Variants in KCNN3 observed in about 807,000 individuals in gnomAD.
KCNN3 encodes potassium calcium-activated channel subfamily N member 3, also known as small conductance calcium-activated potassium channel protein 3.
In KCNN3, 16 loss-of-function variants were observed where a neutral mutation model predicts 62.9. The observed-to-expected ratio is 0.25, with a 90% CI of 0.17 to 0.39. KCNN3 has a LOEUF of 0.39. KCNN3 is among the 10% of genes least tolerant of loss of function. KCNN3 has a pLI of 1.00. For missense variants in KCNN3, 599 were observed against 949.4 expected (o/e 0.63, Z 4.85); for synonymous variants, 370 against 389.2 (o/e 0.95, Z 0.58).
intron 1 of KCNN3, among the ~76,000 whole-genome samples, chr1:154,858,005 C>T (rs1047709466): frequency 6.6e-6 from 1 of 152,176 alleles, no homozygotes; most frequent in Admixed American, 6.5e-5. Context: ...CACCAGGAAA[C>T]CCTCATGACT....
chr1:154,721,278 T>G (rs1261312028), intron 5 of KCNN3, among the ~76,000 whole-genome samples: 1 of 149,432 alleles, frequency 6.7e-6, no homozygotes, highest in Non-Finnish European at 1.5e-5. Flanking sequence ...CAGCCCACTC[T>G]GCCTTTTTTT....
At chr1:154,770,486 G>T (rs558496381) in intron 3 of KCNN3, among the ~76,000 whole-genome samples, 1 of 152,220 alleles carries the variant, frequency 6.6e-6, no homozygotes, top group Non-Finnish European at 1.5e-5. Flanking sequence ...CTGGTGCATG[G>T]AAGATTTGGC....
At chr1:154,758,335 C>T (rs529275179) in intron 3 of KCNN3, among the ~76,000 whole-genome samples, 11 of 152,274 alleles carry the variant, frequency 7.2e-5, no homozygotes, top group African/African-American at 2.6e-4. Context: ...TGTGCTGGTG[C>T]GATTGCCACT....
At chr1:154,827,666 G>A (rs911423877) in intron 1 of KCNN3, among the ~76,000 whole-genome samples, 3 of 152,048 alleles carry the variant, frequency 2.0e-5, no homozygotes, top group African/African-American at 4.8e-5. Flanking sequence ...GGGCATGGTG[G>A]TGCAAGCCTG....
chr1:154,844,953 C>T (rs1242104440), intron 1 of KCNN3, among the ~76,000 whole-genome samples: 2 of 151,982 alleles, frequency 1.3e-5, no homozygotes, highest in Non-Finnish European at 2.9e-5. Context: ...TTGCAGTGAA[C>T]TGAAATTGTG....
At chr1:154,717,621 C>T (rs772324119) in intron 5 of KCNN3, among the ~76,000 whole-genome samples, 3 of 151,782 alleles carry the variant, frequency 2.0e-5, no homozygotes, top group Non-Finnish European at 4.4e-5. Flanking sequence ...AGGTCCTGCA[C>T]TTAACGTCAG....
At chr1:154,781,804 A>C (rs966494747) in intron 2 of KCNN3, among the ~76,000 whole-genome samples, 1 of 152,210 alleles carries the variant, frequency 6.6e-6, no homozygotes, top group Non-Finnish European at 1.5e-5. Flanking sequence ...GGGATATAGC[A>C]AGACAAGTAG....
intron 3 of KCNN3, among the ~76,000 whole-genome samples, chr1:154,745,878 G>A (rs1700926260): frequency 6.6e-6 from 1 of 152,182 alleles, no homozygotes; most frequent in Admixed American, 6.5e-5. Flanking sequence ...CCCATGGGAA[G>A]CATGTCTTCC....
intron 1 of KCNN3, among the ~76,000 whole-genome samples, chr1:154,848,111 C>G (rs1173820146): frequency 6.6e-6 from 1 of 152,220 alleles, no homozygotes. Flanking sequence ...CCTCCCCAGC[C>G]AGAGTGGCTG....
At chr1:154,814,358 C>G (rs1302037261) in intron 2 of KCNN3, among the ~76,000 whole-genome samples, 1 of 152,220 alleles carries the variant, frequency 6.6e-6, no homozygotes, top group Non-Finnish European at 1.5e-5. Context: ...AACAGTGAAA[C>G]CAATACAGTC....
At chr1:154,781,980 G>C (rs1649073519) in intron 2 of KCNN3, among the ~76,000 whole-genome samples, 1 of 152,246 alleles carries the variant, frequency 6.6e-6, no homozygotes. Flanking sequence ...GCTCTCTATG[G>C]AAGGGACCTC....
At chr1:154,748,790 G>A (rs1395327086) in intron 3 of KCNN3, among the ~76,000 whole-genome samples, 1 of 152,214 alleles carries the variant, frequency 6.6e-6, no homozygotes, top group African/African-American at 2.4e-5. Flanking sequence ...GTGAGATGCT[G>A]TCTCTACAAA....
chr1:154,749,741 G>A (rs1245454943), intron 3 of KCNN3, among the ~76,000 whole-genome samples: 3 of 152,188 alleles, frequency 2.0e-5, no homozygotes, highest in Non-Finnish European at 2.9e-5. Flanking sequence ...GGAAGGGGAG[G>A]AGTCTGAGGG....
intron 1 of KCNN3, among the ~76,000 whole-genome samples, chr1:154,831,859 A>G (rs1651389494): frequency 6.6e-6 from 1 of 152,072 alleles, no homozygotes; most frequent in Non-Finnish European, 1.5e-5. Flanking sequence ...AATGACTTTG[A>G]CAAGTGAGCC....
At chr1:154,846,274 C>T (rs1652052705) in intron 1 of KCNN3, among the ~76,000 whole-genome samples, 1 of 152,232 alleles carries the variant, frequency 6.6e-6, no homozygotes. Context: ...CCCTCCCCTT[C>T]CTGGTCTCCT....
At chr1:154,756,258 AAAG>A (rs1193432030) in intron 3 of KCNN3, among the ~76,000 whole-genome samples, 229 of 151,270 alleles carry the variant, frequency 1.5e-3, no homozygotes, top group South Asian at 2.7e-3. Context: ...AGGCAAAGGC[AAAG>A]AAGAAGAAGA....
intron 1 of KCNN3, 94 bp downstream of exon 1, chr1:154,868,938 A>T: frequency 2.1e-6 from 2 of 931,108 alleles, no homozygotes; most frequent in Non-Finnish European, 3.2e-6. Context: ...CTCTCTCTCA[A>T]TCTCTCTCTC....
chr1:154,728,961 C>G (rs761059337), intron 4 of KCNN3, among the ~76,000 whole-genome samples: 13 of 152,316 alleles, frequency 8.5e-5, no homozygotes, highest in Admixed American at 2.6e-4. Context: ...ATAAGGATTG[C>G]CTGTCCCCTG....
At chr1:154,762,506 G>A (rs1648063786) in intron 3 of KCNN3, among the ~76,000 whole-genome samples, 1 of 152,018 alleles carries the variant, frequency 6.6e-6, no homozygotes, top group Admixed American at 6.5e-5. Context: ...TTTTCACTGG[G>A]GAGATAAGTT....
Sources: allele counts gnomAD v4.1 joint callset (sites outside exome capture counted in the v4.1 genomes callset), GRCh38; gene constraint gnomAD v4.1.1; transcripts MANE v1.5; gene names NCBI Gene and HGNC (gene_info 2026-07-23, HGNC 2026-07-21).